Variants in TRIM47 observed in about 807,000 individuals in gnomAD.
TRIM47 encodes E3 ubiquitin-protein ligase TRIM47.
A neutral mutation model predicts 54.4 loss-of-function variants in TRIM47; 46 were observed. The observed-to-expected ratio is 0.84, with a 90% confidence interval of 0.67 to 1.08. The LOEUF is 1.08. TRIM47 is among the 50% of genes least tolerant of loss of function. The probability of loss-of-function intolerance (pLI) is 0.00; values close to 1 mark genes in which losing one functional copy is unlikely to be tolerated. For missense variants in TRIM47, 825 were observed against 910.1 expected, an observed-to-expected ratio of 0.91 and a Z score of 1.20; for synonymous variants, 392 against 410.2, an observed-to-expected ratio of 0.96 and a Z score of 0.54.
At chr17:75,876,136 C>A (rs1353932930) in intron 3 of TRIM47, 37 bp from the exon 4 acceptor site, 3 of 1,589,850 alleles carry the variant, frequency 1.9e-6, no homozygotes, top group Non-Finnish European at 2.6e-6. Context: ...TGCTGCTGGC[C>A]ATGGCTCCTC....
At position 75,876,093 on chromosome 17, in the gene TRIM47, G is replaced by A; in HGVS notation, c.1009C>T (p.Leu337=). ...TCCTCCAGGGCCAGCCTTAGTGCCA[G>A]CAGCTCCTGTGCCAGACAAATGCCC... ...ADSVSFLQEL[L]ALRLALEDGC... The change falls in exon 4 of 6, where the codon CTG becomes TTG. Residue 337 remains leucine, a synonymous_variant. Coordinates refer to ENST00000254816, the MANE Select transcript of TRIM47 (RefSeq NM_033452.3). The A allele has an allele frequency of 6.2e-7, 1 of 1,600,624 alleles. No homozygotes were observed. The highest frequency in any genetic ancestry group is 1.7e-4 in the Middle Eastern group (1 of 6,060).
rs748896210 is a variant in TRIM47, at chr17:75,876,789, C to T, written c.700G>A (p.Ala234Thr). The T allele has an allele frequency of 1.1e-4, 174 of 1,614,040 alleles. No individual in the cohort carries two copies. Among genetic ancestry groups the T allele is most frequent in the Non-Finnish European group, 1.4e-4 (163 of 1,180,036 alleles). The part of the protein sequence containing the change: ...QEAEQSKVLS[A>T]VEDRMDELGA... ...AGCTCGTCCATGCGGTCCTCCACGG[C>T]GCTCAGGACTTTGGACTGCTCAGCC... The change falls in exon 2 of 6, where the codon GCC (alanine) becomes ACC (threonine). Residue 234 changes from alanine (A) to threonine (T), a missense_variant. Coordinates refer to ENST00000254816, the MANE Select transcript of TRIM47 (RefSeq NM_033452.3).
In TRIM47 at chr17:75,875,424, C is replaced by T. The variant is rs3744018; in HGVS notation, c.1252G>A (p.Ala418Thr). ...LESTNLLESE[A>T]PRDYFLKFAY... ...CACTTGAGGAAATAGTCCCTGGGAG[C>T]TTCACTCTCCAAGAGGTTCGTACTC... is the stretch of plus-strand genomic sequence containing the variant. The change falls in exon 5 of 6, where the codon GCT (alanine) becomes ACT (threonine). Residue 418 changes from alanine (A) to threonine (T), a missense_variant. Ala to Thr is a moderately conservative substitution (Grantham distance 58). Transcript: ENST00000254816. The surrounding 1 kb of genome is among the most constrained non-coding windows in gnomAD (Gnocchi z 6.1). 1.2e-4 allele frequency: 197 copies of T among 1,614,072 alleles called. 1 individual carries two copies. In the East Asian group the frequency reaches 4.3e-3, roughly 35 times the overall value.
At chr17:75,877,121 G>A (rs2065140458) in intron 1 of TRIM47, 2 of 395,294 alleles carry the variant, frequency 5.1e-6, no homozygotes, top group Admixed American at 3.6e-5. Context: ...AACTTCCTCC[G>A]GCGGGGAAGA....
At position 75,875,373 on chromosome 17, in the gene TRIM47, G is replaced by A; in HGVS notation, c.1276+27C>T. Reference sequence around the variant, plus strand: ...GCAGCCCTGGGAGGGCCCAGTGTGAGTGGAGGGGGCACGGGCGTCCACTTA... The same window carrying A: ...GCAGCCCTGGGAGGGCCCAGTGTGAATGGAGGGGGCACGGGCGTCCACTTA... On this transcript the variant is annotated intron_variant, in intron 5 of 5. Coordinates refer to ENST00000254816, the MANE Select transcript of TRIM47 (RefSeq NM_033452.3). This position sits in a 1 kb window ranked among gnomAD's most constrained non-coding sequence, Gnocchi z 6.1. The A allele has an allele frequency of 3.7e-6, 6 of 1,612,068 alleles. No individual in the cohort carries two copies. The highest frequency in any genetic ancestry group is 5.1e-6 in the Non-Finnish European group (6 of 1,178,242).
At position 75,876,729 on chromosome 17, in the gene TRIM47, C is replaced by T. The variant is rs2065137520; in HGVS notation, c.760G>A (p.Ala254Thr). The part of the protein sequence containing the change: ...AGIAQSRRTV[A>T]LIKSAAVAER... ...GAGGGGTGTTTGACCTTGATGAGGGCCACTGTGCGCCTGGACTGTGCAATG... is the reference window on the plus strand; with the variant it reads ...GAGGGGTGTTTGACCTTGATGAGGGTCACTGTGCGCCTGGACTGTGCAATG... The change falls in exon 2 of 6, where the codon GCC becomes ACC. Residue 254 changes from alanine to threonine, a missense_variant. Coordinates refer to ENST00000254816, the MANE Select transcript of TRIM47 (RefSeq NM_033452.3). 1 of 1,614,126 alleles carries T rather than the reference C, an allele frequency of 6.2e-7. No homozygotes were observed. The highest frequency in any genetic ancestry group is 1.3e-5 in the African/African-American group (1 of 75,046).
chr17:75,877,673 A>C (rs1310216433), intron 1 of TRIM47: 1 of 1,232,100 alleles, frequency 8.1e-7, no homozygotes, highest in African/African-American at 1.6e-5. Flanking sequence ...TCCTGTTCTC[A>C]CGTCCCTCCT....
rs1398220443 is a variant in TRIM47, at chr17:75,877,917, C to A, written c.632G>T (p.Gly211Val). 7 of 1,427,866 alleles carry A rather than the reference C, an allele frequency of 4.9e-6. No homozygotes were observed. Among genetic ancestry groups the A allele is most frequent in the Non-Finnish European group, 6.4e-6 (7 of 1,093,848 alleles). 88.4% of individuals were successfully genotyped at this position (1,427,866 alleles called of 1,614,324 possible). A position where few individuals can be genotyped will look rare whatever the true frequency, so the allele number is the denominator to read the frequency against. ...CEACAAQEHRGHELVPLEQER... is the reference protein window; with the variant it reads ...CEACAAQEHRVHELVPLEQER... ...CTGCTCCAGCGGCACCAGCTCGTGG[C>A]CGCGGTGCTCCTGTGCGGCGCAGGC... is the stretch of plus-strand genomic sequence containing the variant. The change falls in exon 1 of 6, where the codon GGC becomes GTC. Residue 211 changes from glycine (G) to valine (V), a missense_variant. By Grantham distance (109) the Gly-to-Val change is moderately radical (BLOSUM62 -3). Transcript: ENST00000254816.
chr17:75,876,288 C>T lies in TRIM47; in HGVS notation c.976G>A (p.Glu326Lys). ...TGCAGGAAGCTGACTGAGTCAGCTTCAGGGACCTGGCTGAGATTCTGGCGG... is the reference window on the plus strand; with the variant it reads ...TGCAGGAAGCTGACTGAGTCAGCTTTAGGGACCTGGCTGAGATTCTGGCGG... ...RARQNLSQVP[E>K]ADSVSFLQEL... The change falls in exon 3 of 6, where the codon GAA becomes AAA. Residue 326 changes from glutamate to lysine, a missense_variant. By Grantham distance (56) the Glu-to-Lys change is moderately conservative. Coordinates refer to ENST00000254816, the MANE Select transcript of TRIM47 (RefSeq NM_033452.3). 1 of 1,609,470 alleles carries T rather than the reference C, an allele frequency of 6.2e-7. No individual in the cohort carries two copies. The highest frequency in any genetic ancestry group is 1.1e-5 in the South Asian group (1 of 91,024).
intron 2 of TRIM47, 75 bp from the exon 3 acceptor site, chr17:75,876,567 C>T: frequency 1.3e-6 from 2 of 1,504,710 alleles, no homozygotes; most frequent in South Asian, 1.3e-5. Context: ...CTTCCCTGAC[C>T]CCGGCTTCCC....
chr17:75,875,461 G>C lies in TRIM47; in HGVS notation c.1215C>G (p.Pro405=), dbSNP rs1296995529. 3 of 1,614,090 alleles carry C rather than the reference G, an allele frequency of 1.9e-6. No individual in the cohort carries two copies. The highest frequency in any genetic ancestry group is 1.1e-5 in the South Asian group (1 of 91,080). ...AGAGGTTCGTACTCTCGAGGTCTTG[G>C]GGCTCAGCATCAGCTGTAGAAGAGG... ...QKLDSEADAE[P]QDLESTNLLE... The change falls in exon 5 of 6, where the codon CCC becomes CCG. Residue 405 remains proline, a synonymous_variant. Coordinates refer to ENST00000254816, the MANE Select transcript of TRIM47 (RefSeq NM_033452.3). This position sits in a 1 kb window ranked among gnomAD's most constrained non-coding sequence, Gnocchi z 6.1.
chr17:75,876,307 C>T lies in TRIM47; in HGVS notation c.957G>A (p.Gln319=). The T allele has an allele frequency of 6.2e-7, 1 of 1,610,814 alleles. No individual in the cohort carries two copies. Among genetic ancestry groups the T allele is most frequent in the Non-Finnish European group, 8.5e-7 (1 of 1,179,770 alleles). Residue 319 remains glutamine, a synonymous_variant, in exon 3 of 6, where the codon CAG becomes CAA. Coordinates refer to ENST00000254816, the MANE Select transcript of TRIM47 (RefSeq NM_033452.3). ...CAGCTTCAGGGACCTGGCTGAGATT[C>T]TGGCGGGCTCGGCTCAGGCGGCTGC... ...EQRSRLSRAR[Q]NLSQVPEADS... is the part of the protein sequence containing the mutation.
intron 1 of TRIM47, chr17:75,877,044 G>A: frequency 1.8e-6 from 1 of 567,494 alleles, no homozygotes; most frequent in Non-Finnish European, 3.2e-6. Context: ...TGTCTGCCTC[G>A]GGTCTCTGAC....
chr17:75,876,765 G>C lies in TRIM47; in HGVS notation c.724C>G (p.Leu242Val). Residue 242 changes from leucine (L) to valine (V), a missense_variant, in exon 2 of 6, where the codon CTG becomes GTG. Leu to Val is a conservative substitution (Grantham distance 32). Coordinates refer to ENST00000254816, the MANE Select transcript of TRIM47 (RefSeq NM_033452.3). ...CTGGACTGTGCAATGCCAGCACCCA[G>C]CTCGTCCATGCGGTCCTCCACGGCG... ...LSAVEDRMDE[L>V]GAGIAQSRRT... 1 of 1,614,210 alleles carries C rather than the reference G, an allele frequency of 6.2e-7. No homozygotes were observed. Among genetic ancestry groups the C allele is most frequent in the Non-Finnish European group, 8.5e-7 (1 of 1,180,036 alleles).
chr17:75,876,615 C>G, intron 2 of TRIM47, 103 bp downstream of exon 2: 2 of 1,528,522 alleles, frequency 1.3e-6, no homozygotes, highest in South Asian at 2.4e-5. Context: ...CCAGACTGAG[C>G]CTGTCCTGGA....
chr17:75,875,549 C>A lies in TRIM47; in HGVS notation c.1202-75G>T. On this transcript the variant is annotated intron_variant, in intron 4 of 5. Transcript: ENST00000254816. The surrounding 1 kb of genome is among the most constrained non-coding windows in gnomAD (Gnocchi z 6.1). ...GAACCTGTGACTACAATCCCTACCC[C>A]CTTCACTTCCTCCCAGAGTCCAGAG... The A allele has an allele frequency of 7.4e-7, 1 of 1,343,810 alleles. No homozygotes were observed. The highest frequency in any genetic ancestry group is 1.1e-6 in the Non-Finnish European group (1 of 941,606). 83.2% of individuals were successfully genotyped at this position (1,343,810 alleles called of 1,614,324 possible). A position where few individuals can be genotyped will look rare whatever the true frequency, so the allele number is the denominator to read the frequency against.
chr17:75,876,377 A>C lies in TRIM47; in HGVS notation c.887T>G (p.Met296Arg). Residue 296 changes from methionine (M) to arginine (R), a missense_variant, in exon 3 of 6, where the codon ATG becomes AGG. Coordinates refer to ENST00000254816, the MANE Select transcript of TRIM47 (RefSeq NM_033452.3). ...LGFIEEGEAAMLGRSQGDLRR... is the reference protein window; with the variant it reads ...LGFIEEGEAARLGRSQGDLRR... ...CAGGTCACCCTGGGAGCGGCCTAGC[A>C]TGGCAGCTTCCCCCTCCTCGATGAA... The C allele has an allele frequency of 6.2e-7, 1 of 1,612,286 alleles. No individual in the cohort carries two copies. Among genetic ancestry groups the C allele is most frequent in the South Asian group, 1.1e-5 (1 of 91,080 alleles).
Position 75,878,093 on chromosome 17 carries a change from G to T in TRIM47, c.456C>A (p.Cys152Ter). The T allele has an allele frequency of 7.6e-7, 1 of 1,319,650 alleles. No homozygotes were observed. Among genetic ancestry groups the T allele is most frequent in the Non-Finnish European group, 9.6e-7 (1 of 1,038,588 alleles). 81.7% of individuals were successfully genotyped at this position (1,319,650 alleles called of 1,614,324 possible). Reference protein sequence around the residue: ...LSCLSCLASFCPAHLGPHERS... With the variant: ...LSCLSCLASF The stretch of plus-strand genomic sequence containing the variant: ...GCTCGTGCGGGCCCAGGTGCGCGGG[G>T]CAAAAGGAGGCGAGGCAGGAGAGGC... Residue 152 changes from cysteine to a stop codon, truncating the protein, a stop_gained, in exon 1 of 6, where the codon TGC (cysteine) becomes TGA (stop). Coordinates refer to ENST00000254816, the MANE Select transcript of TRIM47 (RefSeq NM_033452.3). LOFTEE classifies it high-confidence loss of function.
Position 75,875,251 on chromosome 17 carries a change from C to G in TRIM47, c.1277-128G>C, listed in dbSNP as rs1021040530. The G allele has an allele frequency of 7.0e-7, 1 of 1,429,978 alleles. No individual in the cohort carries two copies. Among genetic ancestry groups the G allele is most frequent in the Non-Finnish European group, 9.5e-7 (1 of 1,050,950 alleles). 88.6% of individuals were successfully genotyped at this position (1,429,978 alleles called of 1,614,324 possible). A position where few individuals can be genotyped will look rare whatever the true frequency, so the allele number is the denominator to read the frequency against. On this transcript the variant is annotated intron_variant, in intron 5 of 5. Coordinates refer to ENST00000254816, the MANE Select transcript of TRIM47 (RefSeq NM_033452.3). This position sits in a 1 kb window ranked among gnomAD's most constrained non-coding sequence, Gnocchi z 6.1. ...CTTTCCAACCGGCACAACCCAGCCC[C>G]GCCGGGGACCACCCCAGGAGCTGCC...
Sources: gnomAD v4.1 joint callset for allele counts on GRCh38, gnomAD v4.1.1 for gene constraint, Gnocchi (gnomAD v3.1) non-coding constraint, MANE v1.5 for transcripts, NCBI Gene and HGNC (gene_info 2026-07-23, HGNC 2026-07-21) for gene names.